Variants in TICAM2 observed in about 807,000 individuals in gnomAD.
The protein encoded by TICAM2 is TIR domain containing adaptor molecule 2, also known as TIR domain-containing adapter molecule 2.
Under a neutral mutation model 7.3 loss-of-function variants are expected in TICAM2, and 8 were observed. That is an observed-to-expected ratio of 1.10 (90% CI 0.65 to 1.99). The LOEUF is 1.99. TICAM2 is among the 30% of genes most tolerant of loss of function. The pLI is 0.00. For missense variants in TICAM2, 304 were observed against 278.8 expected (o/e 1.09, Z -0.65); for synonymous variants, 113 against 99.6 (o/e 1.13, Z -0.80).
rs936426617 is a variant in TICAM2, at chr5:115,599,838, C to G, written c.-60+2259G>C. Among the ~76,000 whole-genome samples the G allele has an allele frequency of 1.1e-4, 10 of 90,902 alleles. No individual in the cohort carries two copies. The East Asian group carries it at 1.7e-3, about 15-fold the overall frequency. 59.6% of individuals were successfully genotyped at this position (90,902 alleles called of 152,430 possible). ...CACAGGGCTTTAAAGCCATTGTAAGCCTGTTTTTCTTTTCTTTTTTTTTTC... is the reference window on the plus strand; with the variant it reads ...CACAGGGCTTTAAAGCCATTGTAAGGCTGTTTTTCTTTTCTTTTTTTTTTC... On this transcript the variant is annotated intron_variant, in intron 1 of 1. Coordinates refer to ENST00000427199, the MANE Select transcript of TICAM2 (RefSeq NM_021649.7).
At chr5:115,587,171 G>A (rs183531300) in intron 1 of TICAM2, among the ~76,000 whole-genome samples, 1 of 152,290 alleles carries the variant, frequency 6.6e-6, no homozygotes, top group East Asian at 1.9e-4. Flanking sequence ...TTCCTTATAA[G>A]GAACCTAAGG....
intron 1 of TICAM2, among the ~76,000 whole-genome samples, chr5:115,591,899 T>C (rs1045108987): frequency 2.6e-5 from 4 of 152,072 alleles, no homozygotes; most frequent in Admixed American, 6.5e-5. Context: ...TTTGCAATAT[T>C]GAAGAAAAAC....
rs559130162 is a variant in TICAM2, at chr5:115,595,835, T to C, written c.-60+6262A>G. On this transcript the variant is annotated intron_variant, in intron 1 of 1. Coordinates refer to ENST00000427199, the MANE Select transcript of TICAM2 (RefSeq NM_021649.7). The stretch of plus-strand genomic sequence containing the variant: ...TTGCCCAACCATCTACATGAATAGC[T>C]CCTCTTTATGATTCAAGACACTACT... Among the ~76,000 whole-genome samples, 7 of 152,308 alleles carry C rather than the reference T, an allele frequency of 4.6e-5. No homozygotes were observed. In the South Asian group the frequency reaches 1.5e-3, roughly 32 times the overall value.
At chr5:115,599,599 G>C (rs117562161) in intron 1 of TICAM2, among the ~76,000 whole-genome samples, 18 of 152,256 alleles carry the variant, frequency 1.2e-4, no homozygotes, top group Admixed American at 8.5e-4. Context: ...GCAACCTACC[G>C]CACAGGCCCA....
At chr5:115,586,521 C>A (rs1472794014) in intron 1 of TICAM2, among the ~76,000 whole-genome samples, 5 of 151,536 alleles carry the variant, frequency 3.3e-5, no homozygotes, top group African/African-American at 1.2e-4. Context: ...GAGAGTGGTA[C>A]CCCAGCTGCT....
chr5:115,600,957 C>T (rs983045337), intron 1 of TICAM2, among the ~76,000 whole-genome samples: 6 of 152,118 alleles, frequency 3.9e-5, no homozygotes, highest in Non-Finnish European at 4.4e-5. Flanking sequence ...ACAAATGACT[C>T]AACACAGATG....
At chr5:115,591,184 T>A (rs1043258363) in intron 1 of TICAM2, among the ~76,000 whole-genome samples, 3 of 152,224 alleles carry the variant, frequency 2.0e-5, no homozygotes, top group African/African-American at 7.2e-5. Flanking sequence ...TATTTTTCAA[T>A]TTCAGAAGAG....
chr5:115,584,802 G>C (rs373330970), intron 1 of TICAM2, among the ~76,000 whole-genome samples: 1 of 152,116 alleles, frequency 6.6e-6, no homozygotes, highest in South Asian at 2.1e-4. Flanking sequence ...CTGAAGGGAA[G>C]ATCAATAGGC....
At chr5:115,599,390 G>A (rs1021462773) in intron 1 of TICAM2, among the ~76,000 whole-genome samples, 4 of 152,028 alleles carry the variant, frequency 2.6e-5, no homozygotes, top group African/African-American at 9.7e-5. Context: ...AAAACTGATG[G>A]TAAAGGGCAA....
intron 1 of TICAM2, among the ~76,000 whole-genome samples, chr5:115,587,534 G>A (rs746505073): frequency 2.0e-5 from 3 of 152,156 alleles, no homozygotes; most frequent in East Asian, 1.9e-4. Flanking sequence ...CAATAGTGTC[G>A]GTGAGAAAGC....
intron 1 of TICAM2, among the ~76,000 whole-genome samples, chr5:115,592,434 C>T (rs913844380): frequency 6.6e-5 from 10 of 152,080 alleles, no homozygotes; most frequent in African/African-American, 2.4e-4. Context: ...TGATGGTTTG[C>T]TGCACAGATC....
chr5:115,596,357 A>C (rs1293441658), intron 1 of TICAM2, among the ~76,000 whole-genome samples: 1 of 152,130 alleles, frequency 6.6e-6, no homozygotes, highest in Non-Finnish European at 1.5e-5. Context: ...TTGGCTTCCT[A>C]CTGTGCTTGA....
At chr5:115,585,087 CTG>C (rs1034083582) in intron 1 of TICAM2, among the ~76,000 whole-genome samples, 13 of 152,138 alleles carry the variant, frequency 8.5e-5, no homozygotes, top group African/African-American at 3.1e-4. Context: ...TATAAAATAA[CTG>C]TGATTTTGTA....
rs766829974 is a variant in TICAM2, at chr5:115,581,348, A to C, written c.-59-33T>G. ...AAGTAACAAAACAGAAGAATATTATAAATTTAATCAAAACATTAAAAATGG... is the reference window on the plus strand; with the variant it reads ...AAGTAACAAAACAGAAGAATATTATCAATTTAATCAAAACATTAAAAATGG... On this transcript the variant is annotated intron_variant, in intron 1 of 1. Transcript: ENST00000427199. 4 of 1,536,810 alleles carry C rather than the reference A, an allele frequency of 2.6e-6. No homozygotes were observed. The South Asian group carries it at 3.6e-5, about 14-fold the overall frequency.
intron 1 of TICAM2, 35 bp downstream of exon 1, chr5:115,602,062 C>CGGCCTGGCCCCAGCCCACCCCGCGCCCCA (rs1755776385): frequency 6.6e-6 from 1 of 150,680 alleles, no homozygotes; most frequent in Non-Finnish European, 1.5e-5. Flanking sequence ...CCCGCGCCCC[C>CGGCCTGGCCCCAGCCCACCCCGCGCCCCA]GGCGGCGGCC....
At position 115,581,147 on chromosome 5, in the gene TICAM2, G is replaced by T. The variant is rs1223782356; in HGVS notation, c.110C>A (p.Ser37Tyr). The change falls in exon 2 of 2, where the codon TCT becomes TAT. Residue 37 changes from serine to tyrosine, a missense_variant. Physicochemically the swap from Ser to Tyr is moderately radical, Grantham distance 144. Coordinates refer to ENST00000427199, the MANE Select transcript of TICAM2 (RefSeq NM_021649.7). The part of the protein sequence containing the change: ...PGYHESDSKK[S>Y]EDLSLCNVAE... ...AACATTACACAAGGATAGATCTTCA[G>T]ACTTCTTGGAATCTGACTCATGATA... 1.4e-5 allele frequency: 22 copies of T among 1,613,880 alleles called. No individual in the cohort carries two copies. Among genetic ancestry groups the T allele is most frequent in the Non-Finnish European group, 1.8e-5 (21 of 1,180,028 alleles).
intron 1 of TICAM2, among the ~76,000 whole-genome samples, chr5:115,587,070 G>T (rs1389282307): frequency 6.6e-6 from 1 of 152,128 alleles, no homozygotes. Flanking sequence ...ATTTTGCACC[G>T]GACATTTATG....
chr5:115,585,898 C>T (rs1755085695), intron 1 of TICAM2, among the ~76,000 whole-genome samples: 1 of 152,082 alleles, frequency 6.6e-6, no homozygotes, highest in African/African-American at 2.4e-5. Context: ...GTTGCAGAAA[C>T]CCAATAGTAA....
At chr5:115,597,797 C>T (rs577891478) in intron 1 of TICAM2, among the ~76,000 whole-genome samples, 1 of 152,228 alleles carries the variant, frequency 6.6e-6, no homozygotes, top group South Asian at 2.1e-4. Context: ...AAAAGTCAGC[C>T]CTCCGTATGT....
Sources: gnomAD v4.1 joint callset for allele counts (sites outside exome capture counted in the v4.1 genomes callset) on GRCh38, gnomAD v4.1.1 for gene constraint, MANE v1.5 for transcripts, NCBI Gene and HGNC (gene_info 2026-07-23, HGNC 2026-07-21) for gene names.